The following FAM13A variants were observed in gnomAD, a reference collection of about 807,000 sequenced individuals.
FAM13A encodes family with sequence similarity 13 member A.
A neutral mutation model predicts 129.6 loss-of-function variants in FAM13A; 76 were observed. That is an observed-to-expected ratio of 0.59 (90% CI 0.49 to 0.71). The LOEUF (loss-of-function observed/expected upper bound fraction) is 0.71, where lower values mean the gene tolerates loss of function less well. Among genes scored for constraint, FAM13A ranks in the 30% least tolerant of loss-of-function variants. The pLI is 0.00. For missense variants in FAM13A, 1,108 were observed against 1,249.3 expected (o/e 0.89, Z 1.70); for synonymous variants, 443 against 449.9 (o/e 0.98, Z 0.20).
At chr4:88,891,709 C>T (rs1211583389) in intron 6 of FAM13A, among the ~76,000 whole-genome samples, 1 of 152,086 alleles carries the variant, frequency 6.6e-6, no homozygotes, top group Non-Finnish European at 1.5e-5. Context: ...AAAAGCCATA[C>T]AATTATCTTA....
At chr4:89,018,836 T>C (rs1231938695) in intron 3 of FAM13A, among the ~76,000 whole-genome samples, 2 of 152,224 alleles carry the variant, frequency 1.3e-5, no homozygotes, top group Admixed American at 6.5e-5. Flanking sequence ...ACAGTCTGGC[T>C]ATGGGTGCCC....
chr4:89,014,923 G>A (rs1468532242), intron 3 of FAM13A, among the ~76,000 whole-genome samples: 1 of 152,204 alleles, frequency 6.6e-6, no homozygotes, highest in Non-Finnish European at 1.5e-5. Context: ...GAGCTGGGCA[G>A]AACAGAGCCA....
intron 23 of FAM13A, among the ~76,000 whole-genome samples, chr4:88,730,755 A>G (rs1160038281): frequency 6.6e-6 from 1 of 152,204 alleles, no homozygotes; most frequent in Non-Finnish European, 1.5e-5. Flanking sequence ...CATTTTTGAA[A>G]TGAGCTTGAA....
chr4:89,048,891 T>C (rs1173212616), intron 1 of FAM13A, among the ~76,000 whole-genome samples: 1 of 152,202 alleles, frequency 6.6e-6, no homozygotes, highest in Admixed American at 6.5e-5. Context: ...GGAAAGCTAT[T>C]AATGTCACTA....
intron 5 of FAM13A, among the ~76,000 whole-genome samples, chr4:88,909,493 A>T (rs1300926077): frequency 2.8e-5 from 4 of 144,828 alleles, no homozygotes; most frequent in African/African-American, 7.6e-5. Flanking sequence ...GAGGTTTTTT[A>T]TTTTTTTTTT....
chr4:88,965,755 C>T (rs1163963679), intron 4 of FAM13A, among the ~76,000 whole-genome samples: 1 of 152,192 alleles, frequency 6.6e-6, no homozygotes, highest in African/African-American at 2.4e-5. Flanking sequence ...AACCACCATT[C>T]TACCGTTTCT....
At chr4:88,810,349 A>C (rs1166486495) in intron 7 of FAM13A, among the ~76,000 whole-genome samples, 1 of 152,186 alleles carries the variant, frequency 6.6e-6, no homozygotes, top group African/African-American at 2.4e-5. Flanking sequence ...ATACTTTAGA[A>C]AGTTATCTTA....
chr4:88,950,494 T>G (rs764394191), intron 4 of FAM13A, among the ~76,000 whole-genome samples: 3 of 152,338 alleles, frequency 2.0e-5, no homozygotes, highest in East Asian at 1.9e-4. Context: ...ATTACTATCA[T>G]TTTTAGTTCT....
chr4:88,828,024 A>C (rs1364206986), intron 7 of FAM13A, among the ~76,000 whole-genome samples: 1 of 152,184 alleles, frequency 6.6e-6, no homozygotes, highest in Admixed American at 6.5e-5. Flanking sequence ...GAACTTTTCT[A>C]TCCTAAATAT....
intron 3 of FAM13A, among the ~76,000 whole-genome samples, chr4:88,993,990 C>CAAA (rs777042795): frequency 3.2e-5 from 4 of 124,656 alleles, no homozygotes; most frequent in Admixed American, 1.6e-4. Context: ...GACCCTGCCT[C>CAAA]AAAAAAAAAA....
chr4:88,856,517 A>G (rs114644359), intron 6 of FAM13A, among the ~76,000 whole-genome samples: 1 of 151,720 alleles, frequency 6.6e-6, no homozygotes, highest in Non-Finnish European at 1.5e-5. Flanking sequence ...TAAACAAAAA[A>G]CCAAAAAACC....
intron 6 of FAM13A, among the ~76,000 whole-genome samples, chr4:88,853,545 CTAAT>C (rs1404463699): frequency 6.6e-6 from 1 of 152,136 alleles, no homozygotes; most frequent in Non-Finnish European, 1.5e-5. Context: ...AGATTTCAAA[CTAAT>C]TAGCCAAAAA....
intron 14 of FAM13A, among the ~76,000 whole-genome samples, chr4:88,758,482 C>T (rs781759783): frequency 5.3e-5 from 8 of 151,426 alleles, no homozygotes; most frequent in African/African-American, 1.2e-4. Flanking sequence ...TCAGCACTCC[C>T]GGTGAGTCAC....
chr4:88,740,056 G>A (rs1739905190), intron 19 of FAM13A, among the ~76,000 whole-genome samples: 1 of 152,132 alleles, frequency 6.6e-6, no homozygotes, highest in African/African-American at 2.4e-5. Context: ...TCTATCTGCT[G>A]CTTCTCCTCC....
chr4:89,017,963 T>C (rs1766728382), intron 3 of FAM13A, among the ~76,000 whole-genome samples: 1 of 152,200 alleles, frequency 6.6e-6, no homozygotes, highest in Admixed American at 6.5e-5. Context: ...TTCAATAAAA[T>C]ATAATATTTA....
At position 88,747,852 on chromosome 4, in the gene FAM13A, C is replaced by G; in HGVS notation, c.2162-1G>C. On this transcript the variant is annotated splice_acceptor_variant, in intron 17 of 23. Transcript: ENST00000264344. LOFTEE classifies it high-confidence loss of function. The stretch of plus-strand genomic sequence containing the variant: ...TCTTCAGATATCTTTAGTTTTGATT[C>G]TAGTTGAGAAGATTTGGGGGTAAAG... 1.2e-6 allele frequency: 2 copies of G among 1,601,188 alleles called. No individual in the cohort carries two copies. The highest frequency in any genetic ancestry group is 1.1e-5 in the South Asian group (1 of 90,670).
intron 22 of FAM13A, 166 bp downstream of exon 22, chr4:88,731,836 G>A: frequency 1.0e-5 from 6 of 587,384 alleles, no homozygotes; most frequent in Non-Finnish European, 1.7e-5. Context: ...ATGGGCTGAA[G>A]CATATAAAAA....
chr4:88,776,327 T>C (rs1054357137), intron 11 of FAM13A, among the ~76,000 whole-genome samples: 3 of 152,158 alleles, frequency 2.0e-5, no homozygotes, highest in Admixed American at 2.0e-4. Flanking sequence ...GGCGGTACAG[T>C]GGAATCCCAG....
intron 7 of FAM13A, among the ~76,000 whole-genome samples, chr4:88,843,941 A>T (rs1736245234): frequency 6.6e-6 from 1 of 152,228 alleles, no homozygotes. Flanking sequence ...CCCTTGGGTC[A>T]GTACTTTCCA....
Sources: allele counts gnomAD v4.1 joint callset (sites outside exome capture counted in the v4.1 genomes callset), GRCh38; gene constraint gnomAD v4.1.1; transcripts MANE v1.5; gene names NCBI Gene and HGNC (gene_info 2026-07-23, HGNC 2026-07-21).